Variants in CCDC7 observed in about 807,000 individuals in gnomAD.
The protein encoded by CCDC7 is coiled-coil domain containing 7.
A neutral mutation model predicts 196.9 loss-of-function variants in CCDC7; 183 were observed. The observed-to-expected ratio is 0.93, with a 90% CI of 0.82 to 1.05. The LOEUF (loss-of-function observed/expected upper bound fraction) is 1.05, where lower values mean the gene tolerates loss of function less well. CCDC7 is among the 50% of genes least tolerant of loss of function. CCDC7 has a pLI of 0.00. For synonymous variants in CCDC7, 525 were observed against 484.6 expected, an observed-to-expected ratio of 1.08 and a Z score of -1.10; for missense variants, 1,540 against 1,482.2, an observed-to-expected ratio of 1.04 and a Z score of -0.64.
At chr10:32,837,573 G>T (rs1381835469) in intron 33 of CCDC7, among the ~76,000 whole-genome samples, 2 of 152,052 alleles carry the variant, frequency 1.3e-5, no homozygotes, top group Non-Finnish European at 2.9e-5. Flanking sequence ...TCCCATTACT[G>T]GGTATATACC....
intron 11 of CCDC7, among the ~76,000 whole-genome samples, chr10:32,530,044 A>AG (rs2049381402): frequency 6.6e-6 from 1 of 151,846 alleles, no homozygotes; most frequent in South Asian, 2.1e-4. Flanking sequence ...TCCCCACTTT[A>AG]TGTTTTTCTT....
intron 20 of CCDC7, among the ~76,000 whole-genome samples, chr10:32,635,955 T>A (rs982802723): frequency 1.3e-5 from 2 of 152,192 alleles, no homozygotes; most frequent in African/African-American, 4.8e-5. Context: ...CTTTTACTCT[T>A]CTTTATGCCC....
At chr10:32,445,562 AAAGAC>A (rs1358727850), upstream of CCDC7, among the ~76,000 whole-genome samples, 1 of 152,186 alleles carries the variant, frequency 6.6e-6, no homozygotes, top group Non-Finnish European at 1.5e-5. Flanking sequence ...CGTTCAACTT[AAAGAC>A]AAAATTAATA....
At chr10:32,708,142 G>T (rs1278126071) in intron 24 of CCDC7, among the ~76,000 whole-genome samples, 2 of 152,012 alleles carry the variant, frequency 1.3e-5, no homozygotes, top group Non-Finnish European at 2.9e-5. Context: ...CAATGGAAAA[G>T]AATAGAGCCC....
At chr10:32,565,754 TATTC>T (rs1325449147) in intron 14 of CCDC7, 134 bp downstream of exon 15, 2 of 779,866 alleles carry the variant, frequency 2.6e-6, no homozygotes, top group Non-Finnish European at 1.9e-6. Flanking sequence ...GTTTAAACTA[TATTC>T]ATTTTATGCA....
intron 9 of CCDC7, among the ~76,000 whole-genome samples, chr10:32,495,345 G>A (rs1052983851): frequency 6.6e-6 from 1 of 152,128 alleles, no homozygotes; most frequent in African/African-American, 2.4e-5. Context: ...TAGGTTACCT[G>A]TTCAGCCTAA....
At chr10:32,838,431 A>G (rs2092767630) in intron 33 of CCDC7, among the ~76,000 whole-genome samples, 1 of 152,112 alleles carries the variant, frequency 6.6e-6, no homozygotes, top group Non-Finnish European at 1.5e-5. Context: ...TCCATCAAAC[A>G]CAAAGAAACA....
At chr10:32,701,324 G>T (rs1181281032) in intron 24 of CCDC7, among the ~76,000 whole-genome samples, 1 of 148,104 alleles carries the variant, frequency 6.8e-6, no homozygotes, top group Non-Finnish European at 1.5e-5. Flanking sequence ...CATGTGGTTT[G>T]ATTTGCGTAT....
intron 31 of CCDC7, among the ~76,000 whole-genome samples, chr10:32,815,658 C>A (rs1322344598): frequency 1.3e-5 from 2 of 152,070 alleles, no homozygotes; most frequent in African/African-American, 4.8e-5. Flanking sequence ...TCTATTAAAT[C>A]TAAGTAGAAT....
intron 8 of CCDC7, chr10:32,481,855 C>T (rs1199098778): frequency 1.3e-5 from 2 of 152,104 alleles, no homozygotes; most frequent in Non-Finnish European, 2.9e-5. Flanking sequence ...TCTTAGACTG[C>T]AAAATTTTCA....
chr10:32,736,724 C>A (rs1456164319), intron 28 of CCDC7, among the ~76,000 whole-genome samples: 1 of 152,106 alleles, frequency 6.6e-6, no homozygotes, highest in Non-Finnish European at 1.5e-5. Flanking sequence ...TTGTTCTTTG[C>A]TGGTATATAG....
At chr10:32,709,476 AT>A (rs1260662876) in intron 24 of CCDC7, among the ~76,000 whole-genome samples, 44 of 152,124 alleles carry the variant, frequency 2.9e-4, no homozygotes, top group Non-Finnish European at 4.9e-4. Context: ...TAATAAAAAA[AT>A]AAATAAATAA....
intron 29 of CCDC7, among the ~76,000 whole-genome samples, chr10:32,791,917 G>A (rs2082758930): frequency 6.6e-6 from 1 of 152,090 alleles, no homozygotes; most frequent in African/African-American, 2.4e-5. Flanking sequence ...CATTTTCAAG[G>A]CACATTATAA....
In CCDC7 at chr10:32,674,490, G is replaced by A. The variant is rs146232110; in HGVS notation, c.2122+10329G>A. ...TAATTTTCTTAAATGTTTAAGACTT[G>A]TTTTGTGATATAGCATGTGATTTAT... On this transcript the variant is annotated intron_variant, in intron 21 of 41. Coordinates refer to ENST00000639629, the Ensembl canonical transcript of CCDC7. Among the ~76,000 whole-genome samples, 1,261 of 152,032 alleles carry A rather than the reference G, an allele frequency of 8.3e-3. 12 individuals carry two copies. Among genetic ancestry groups the A allele is most frequent in the Non-Finnish European group, 0.014 (925 of 67,922 alleles).
At chr10:32,731,672 A>G (rs1276079183) in intron 28 of CCDC7, among the ~76,000 whole-genome samples, 1 of 152,158 alleles carries the variant, frequency 6.6e-6, no homozygotes, top group Non-Finnish European at 1.5e-5. Context: ...TGGTTTTTGC[A>G]TTTACCTTCA....
At chr10:32,757,211 A>T (rs1358749565) in intron 28 of CCDC7, among the ~76,000 whole-genome samples, 1 of 152,220 alleles carries the variant, frequency 6.6e-6, no homozygotes, top group Admixed American at 6.5e-5. Flanking sequence ...AAAGTTGACA[A>T]GGATATCCAG....
At chr10:32,531,725 G>C (rs2049694098) in intron 11 of CCDC7, among the ~76,000 whole-genome samples, 1 of 152,094 alleles carries the variant, frequency 6.6e-6, no homozygotes, top group Non-Finnish European at 1.5e-5. Flanking sequence ...CCTTGATCTT[G>C]TTACTTATTA....
chr10:32,702,591 C>T (rs950796088), intron 24 of CCDC7, among the ~76,000 whole-genome samples: 5 of 152,192 alleles, frequency 3.3e-5, no homozygotes, highest in Non-Finnish European at 7.4e-5. Flanking sequence ...CTCTCTGTCT[C>T]GTTGATCTGT....
rs140855255 is a variant in CCDC7 at position 32,618,186 on chromosome 10, T to A, written c.1802-16068T>A. Among the ~76,000 whole-genome samples, 276 of 152,124 alleles carry A rather than the reference T, an allele frequency of 1.8e-3. 2 individuals carry two copies. The highest frequency in any genetic ancestry group is 6.3e-3 in the African/African-American group (262 of 41,576). On this transcript the variant is annotated intron_variant, in intron 18 of 41. Coordinates refer to ENST00000639629, the Ensembl canonical transcript of CCDC7. Reference sequence around the variant, plus strand: ...AATTTGATCATATTTTTTAATGCAGTCTGCCAATCTCTATCTTTTAAGTGG... The same window carrying A: ...AATTTGATCATATTTTTTAATGCAGACTGCCAATCTCTATCTTTTAAGTGG...
Sources: gnomAD v4.1 joint callset for allele counts (sites outside exome capture counted in the v4.1 genomes callset) on GRCh38, gnomAD v4.1.1 for gene constraint, MANE v1.5 for transcripts, NCBI Gene and HGNC (gene_info 2026-07-23, HGNC 2026-07-21) for gene names.